GPR89B: variants seen among roughly 807,000 people sequenced by gnomAD.
GPR89B encodes golgi pH regulator B, also known as G protein-coupled receptor 89B.
A neutral mutation model predicts 52.4 loss-of-function variants in GPR89B; 25 were observed. The ratio of observed to expected loss-of-function variants is 0.48; its 90% CI spans 0.35 to 0.67. The LOEUF is 0.67. Ranked by LOEUF, GPR89B falls within the 30% of genes least tolerant of loss-of-function variation. The probability of loss-of-function intolerance (pLI) is 0.01; values close to 1 mark genes in which losing one functional copy is unlikely to be tolerated. For synonymous variants in GPR89B, 52 were observed against 151.2 expected (o/e 0.34, Z 4.81); for missense variants, 146 against 450.2 (o/e 0.32, Z 6.11).
chr1:147,999,379 C>T, the GPR89B span, among the ~76,000 whole-genome samples: 3 of 149,958 alleles, frequency 2.0e-5, no homozygotes, highest in East Asian at 2.0e-4. Flanking sequence ...GAGGCCGAGG[C>T]GGGCGGATCA....
chr1:147,948,959 A>G (rs1474838184), intron 5 of GPR89B, among the ~76,000 whole-genome samples: 1 of 151,664 alleles, frequency 6.6e-6, no homozygotes, highest in African/African-American at 2.4e-5. Flanking sequence ...AGTGGTGATG[A>G]CTCTTAACGA....
At chr1:147,995,275 A>G (rs1659288373), downstream of GPR89B, among the ~76,000 whole-genome samples, 1 of 150,490 alleles carries the variant, frequency 6.6e-6, no homozygotes, top group South Asian at 2.2e-4. Flanking sequence ...CAGCTGACAA[A>G]TGACAGAACC....
chr1:147,935,515 G>A (rs587750215), intron 1 of GPR89B, among the ~76,000 whole-genome samples: 1 of 152,200 alleles, frequency 6.6e-6, no homozygotes, highest in East Asian at 1.9e-4. Flanking sequence ...ATGTGGCTAC[G>A]GTCTCTGCCA....
chr1:147,970,333 T>C (rs1423218945), intron 10 of GPR89B, among the ~76,000 whole-genome samples: 1 of 151,912 alleles, frequency 6.6e-6, no homozygotes, highest in African/African-American at 2.4e-5. Flanking sequence ...CCATCTCTAC[T>C]AAAAATACAA....
chr1:148,002,038 C>CCTT, the GPR89B span, among the ~76,000 whole-genome samples: 325 of 129,990 alleles, frequency 2.5e-3, 3 homozygotes, highest in African/African-American at 7.7e-3. Flanking sequence ...CCAGATGCTG[C>CCTT]TTTTTTTTTT....
At chr1:147,971,539 A>C (rs1264064508) in intron 10 of GPR89B, among the ~76,000 whole-genome samples, 1 of 133,770 alleles carries the variant, frequency 7.5e-6, no homozygotes, top group African/African-American at 2.9e-5. Flanking sequence ...CAGTGGCATG[A>C]TCTCGGCTCA....
At chr1:148,017,307 G>C in the GPR89B span, among the ~76,000 whole-genome samples, 1 of 151,438 alleles carries the variant, frequency 6.6e-6, no homozygotes, top group Non-Finnish European at 1.5e-5. Context: ...CTCCCAAAGT[G>C]CTGGGATTAC....
intron 2 of GPR89B, among the ~76,000 whole-genome samples, chr1:147,937,424 G>A (rs6663765): frequency 2.6e-5 from 4 of 151,946 alleles, no homozygotes; most frequent in East Asian, 1.9e-4. Context: ...AATAGGGTTC[G>A]AGAGCAGACA....
chr1:147,945,993 T>C (rs1395336016), intron 5 of GPR89B, among the ~76,000 whole-genome samples: 1 of 152,056 alleles, frequency 6.6e-6, no homozygotes, highest in Non-Finnish European at 1.5e-5. Context: ...CCCAAAGTGC[T>C]GGGATTACAA....
At position 147,972,437 on chromosome 1, in the gene GPR89B, C is replaced by T. The variant is rs1375658256; in HGVS notation, c.909+2478C>T. Among the ~76,000 whole-genome samples, 1,029 of 150,506 alleles carry T rather than the reference C, an allele frequency of 6.8e-3. 23 individuals are homozygous for T. The highest frequency in any genetic ancestry group is 0.024 in the African/African-American group (979 of 40,626). On this transcript the variant is annotated intron_variant, in intron 10 of 13. Coordinates refer to ENST00000314163, the MANE Select transcript of GPR89B (RefSeq NM_016334.5). Reference sequence around the variant, plus strand: ...AAAAAAATTGTATCATTTACATTTCCACCTGCACTGTGTATGAGTTTCAGT... The same window carrying T: ...AAAAAAATTGTATCATTTACATTTCTACCTGCACTGTGTATGAGTTTCAGT...
At chr1:148,023,526 T>A in the GPR89B span, among the ~76,000 whole-genome samples, 1 of 137,030 alleles carries the variant, frequency 7.3e-6, no homozygotes, top group Non-Finnish European at 1.5e-5. Context: ...CAAATTGCTT[T>A]CCACAGAGAC....
intron 1 of GPR89B, among the ~76,000 whole-genome samples, chr1:147,933,403 A>G (rs1653812661): frequency 6.6e-6 from 1 of 151,594 alleles, no homozygotes; most frequent in Non-Finnish European, 1.5e-5. Context: ...TCCTTACTCT[A>G]GATACTATTC....
intron 7 of GPR89B, among the ~76,000 whole-genome samples, chr1:147,957,791 G>A (rs1441514067): frequency 1.3e-5 from 2 of 152,006 alleles, no homozygotes; most frequent in East Asian, 1.9e-4. Flanking sequence ...AAGGCCAGGC[G>A]CAGTGGCTCA....
At chr1:147,968,013 G>A in intron 8 of GPR89B, 1 of 323,476 alleles carries the variant, frequency 3.1e-6, no homozygotes. Flanking sequence ...AAAAATCAGA[G>A]AGGAGGGAGG....
intron 1 of GPR89B, among the ~76,000 whole-genome samples, chr1:147,935,268 A>G (rs1424646531): frequency 1.3e-5 from 2 of 152,052 alleles, no homozygotes; most frequent in Non-Finnish European, 2.9e-5. Context: ...CTAAAGAACC[A>G]AAGAAGTTCC....
At chr1:147,977,233 CAAAAAAAAAAAAAA>C (rs1191631857) in intron 10 of GPR89B, among the ~76,000 whole-genome samples, 30 of 41,330 alleles carry the variant, frequency 7.3e-4, no homozygotes, top group African/African-American at 2.8e-3. Context: ...GACTCCATCT[CAAAAAAAAAAAAAA>C]AAAAAAAAAA....
chr1:147,999,269 C>T, the GPR89B span, among the ~76,000 whole-genome samples: 1 of 151,844 alleles, frequency 6.6e-6, no homozygotes, highest in African/African-American at 2.4e-5. Context: ...AAAGCTATCT[C>T]CCTATGGCTT....
intron 10 of GPR89B, among the ~76,000 whole-genome samples, chr1:147,971,738 CCAAAGTGCTGGGATTA>C (rs1657487202): frequency 6.6e-6 from 1 of 151,902 alleles, no homozygotes; most frequent in Non-Finnish European, 1.5e-5. Flanking sequence ...CCTCAGCCTC[CCAAAGTGCTGGGATTA>C]CAGGCGTGAG....
intron 1 of GPR89B, among the ~76,000 whole-genome samples, chr1:147,933,871 A>G (rs587672766): frequency 8.5e-5 from 13 of 152,210 alleles, no homozygotes; most frequent in African/African-American, 3.1e-4. Flanking sequence ...CGCTCTATAT[A>G]ATATAAAACA....
Sources: gnomAD v4.1 joint callset for allele counts (sites outside exome capture counted in the v4.1 genomes callset) on GRCh38, gnomAD v4.1.1 for gene constraint, MANE v1.5 for transcripts, NCBI Gene and HGNC (gene_info 2026-07-23, HGNC 2026-07-21) for gene names.